The following PLPP1 variants were observed in gnomAD, a reference collection of about 807,000 sequenced individuals.
PLPP1 encodes the protein phospholipid phosphatase 1.
In PLPP1, 24 loss-of-function variants were observed where a neutral mutation model predicts 31.2. That is an observed-to-expected ratio of 0.77 (90% CI 0.56 to 1.08). PLPP1 has a LOEUF of 1.08. Ranked by LOEUF, PLPP1 falls within the 50% of genes least tolerant of loss-of-function variation. The probability of loss-of-function intolerance (pLI) is 0.00; values close to 1 mark genes in which losing one functional copy is unlikely to be tolerated. For synonymous variants in PLPP1, 146 were observed against 126.3 expected, an observed-to-expected ratio of 1.16 and a Z score of -1.05; for missense variants, 319 against 342.7, an observed-to-expected ratio of 0.93 and a Z score of 0.55.
intron 1 of PLPP1, among the ~76,000 whole-genome samples, chr5:55,521,779 T>G (rs1241302969): frequency 1.3e-5 from 2 of 152,222 alleles, no homozygotes; most frequent in East Asian, 3.8e-4. Flanking sequence ...TTTTGGTATC[T>G]CCAGTGGTAG....
chr5:55,456,975 C>T (rs190121262), intron 3 of PLPP1, among the ~76,000 whole-genome samples: 2 of 151,826 alleles, frequency 1.3e-5, no homozygotes, highest in African/African-American at 4.8e-5. Flanking sequence ...GCCTGGCCAA[C>T]ATGGTGAAAC....
At chr5:55,490,462 T>A (rs1287171910) in intron 1 of PLPP1, among the ~76,000 whole-genome samples, 1 of 152,068 alleles carries the variant, frequency 6.6e-6, no homozygotes, top group Non-Finnish European at 1.5e-5. Context: ...TAGTGACATA[T>A]CTTAATGTAT....
intron 3 of PLPP1, among the ~76,000 whole-genome samples, chr5:55,451,688 A>C (rs2111739508): frequency 6.6e-6 from 1 of 151,768 alleles, no homozygotes; most frequent in South Asian, 2.1e-4. Context: ...CAGCCTCCTG[A>C]GTAGCTGGGA....
At chr5:55,485,497 A>T (rs758619724) in intron 1 of PLPP1, among the ~76,000 whole-genome samples, 8 of 152,136 alleles carry the variant, frequency 5.3e-5, no homozygotes, top group Non-Finnish European at 8.8e-5. Flanking sequence ...GCACTTTCTT[A>T]GAAACAGACA....
At chr5:55,501,436 G>A (rs570023596) in intron 1 of PLPP1, among the ~76,000 whole-genome samples, 3 of 152,042 alleles carry the variant, frequency 2.0e-5, no homozygotes, top group Admixed American at 6.6e-5. Context: ...TACTTTTGGC[G>A]ATTTTCCCTC....
chr5:55,425,882 G>A lies in PLPP1; in HGVS notation c.707C>T (p.Ala236Val). The change falls in exon 5 of 6, where the codon GCT becomes GTT. Residue 236 changes from alanine to valine, a missense_variant. Physicochemically the swap from Ala to Val is moderately conservative, Grantham distance 64. Coordinates refer to ENST00000307259, the MANE Select transcript of PLPP1 (RefSeq NM_003711.4). ...SDVLTGLIQG[A>V]LVAILVAVYV... ...ACTTACAACTAATATTGCAACCAGA[G>A]CTCCCTGAATGAGTCCAGTCAACAC... The A allele has an allele frequency of 6.2e-7, 1 of 1,606,874 alleles. No individual in the cohort carries two copies. Among genetic ancestry groups the A allele is most frequent in the Non-Finnish European group, 8.5e-7 (1 of 1,178,046 alleles).
intron 3 of PLPP1, among the ~76,000 whole-genome samples, chr5:55,443,192 A>AAAAATAT: frequency 6.3e-4 from 16 of 25,446 alleles, no homozygotes; most frequent in Non-Finnish European, 8.6e-4. Flanking sequence ...AAAAAAAAAA[A>AAAAATAT]ATATATATAT....
At chr5:55,425,570 G>GTTAT (rs1751162144) in intron 5 of PLPP1, 1 of 446,822 alleles carries the variant, frequency 2.2e-6, no homozygotes, top group Non-Finnish European at 3.8e-6. Flanking sequence ...GAATAAAAGA[G>GTTAT]TTATTTCTAC....
chr5:55,464,850 A>G (rs530581368), intron 3 of PLPP1, among the ~76,000 whole-genome samples: 1 of 152,198 alleles, frequency 6.6e-6, no homozygotes, highest in African/African-American at 2.4e-5. Flanking sequence ...AGCTTTTCAA[A>G]TATCTGAAAA....
intron 4 of PLPP1, among the ~76,000 whole-genome samples, chr5:55,438,895 C>A (rs753100175): frequency 1.0e-4 from 15 of 149,070 alleles, no homozygotes; most frequent in Non-Finnish European, 1.6e-4. Context: ...AGCAAGACTC[C>A]GTCTAAAAAA....
intron 2 of PLPP1, among the ~76,000 whole-genome samples, chr5:55,471,163 AT>A (rs1412574072): frequency 8.7e-5 from 13 of 148,892 alleles, no homozygotes; most frequent in Admixed American, 7.4e-4. Flanking sequence ...TATTCTACTG[AT>A]TTTTTTCTCA....
At chr5:55,445,208 CATGT>C (rs1751733132) in intron 3 of PLPP1, among the ~76,000 whole-genome samples, 1 of 152,270 alleles carries the variant, frequency 6.6e-6, no homozygotes, top group South Asian at 2.1e-4. Flanking sequence ...TGCCCCCATG[CATGT>C]GAGTTCCCTC....
At chr5:55,447,391 T>C (rs1579929563) in intron 3 of PLPP1, among the ~76,000 whole-genome samples, 1 of 152,190 alleles carries the variant, frequency 6.6e-6, no homozygotes, top group South Asian at 2.1e-4. Flanking sequence ...ATTTCCTTTT[T>C]CCCCTAAAAA....
chr5:55,481,581 A>C (rs1752668925), intron 1 of PLPP1, among the ~76,000 whole-genome samples: 1 of 152,150 alleles, frequency 6.6e-6, no homozygotes, highest in African/African-American at 2.4e-5. Flanking sequence ...GTACTACCTC[A>C]ATAGTTTGGA....
chr5:55,534,463 C>T (rs1740805860), intron 1 of PLPP1, 109 bp downstream of exon 1: 1 of 1,182,312 alleles, frequency 8.5e-7, no homozygotes, highest in East Asian at 3.2e-5. Context: ...TGTCGCCCCA[C>T]AGCTGCGCAC....
chr5:55,429,152 TGG>T (rs2111662438), intron 4 of PLPP1, among the ~76,000 whole-genome samples: 1 of 152,230 alleles, frequency 6.6e-6, no homozygotes, highest in African/African-American at 2.4e-5. Context: ...GGATGCCTAA[TGG>T]GTACATAATA....
intron 1 of PLPP1, among the ~76,000 whole-genome samples, chr5:55,513,314 A>G (rs1332312149): frequency 7.0e-6 from 1 of 142,112 alleles, no homozygotes; most frequent in Non-Finnish European, 1.5e-5. Context: ...TGCTGGAGGT[A>G]CAGTGGCATG....
At chr5:55,478,159 T>TC (rs1175425938) in intron 1 of PLPP1, among the ~76,000 whole-genome samples, 1 of 151,844 alleles carries the variant, frequency 6.6e-6, no homozygotes, top group Non-Finnish European at 1.5e-5. Context: ...GGGGTTTTGT[T>TC]CCCCCCTGAC....
chr5:55,427,165 G>C (rs1046863848), intron 4 of PLPP1, among the ~76,000 whole-genome samples: 3 of 151,488 alleles, frequency 2.0e-5, no homozygotes, highest in African/African-American at 7.3e-5. Context: ...TTAAAATTCT[G>C]TTCAATAATA....
Sources: allele counts gnomAD v4.1 joint callset (sites outside exome capture counted in the v4.1 genomes callset), GRCh38; gene constraint gnomAD v4.1.1; transcripts MANE v1.5; gene names NCBI Gene and HGNC (gene_info 2026-07-23, HGNC 2026-07-21).